PAFAH1B1: variants seen among roughly 807,000 people sequenced by gnomAD.
The protein encoded by PAFAH1B1 is platelet-activating factor acetylhydrolase IB subunit beta.
PAFAH1B1 carries 2 observed loss-of-function variants against 57.5 expected under a neutral mutation model. The observed-to-expected ratio is 0.03, with a 90% confidence interval of 0.01 to 0.11. The LOEUF (loss-of-function observed/expected upper bound fraction) is 0.11, where lower values mean the gene tolerates loss of function less well. Ranked by LOEUF, PAFAH1B1 falls within the 10% of genes least tolerant of loss-of-function variation. The pLI, the probability that PAFAH1B1 is intolerant of heterozygous loss-of-function variation, is 1.00. For missense variants in PAFAH1B1, 257 were observed against 512.0 expected (o/e 0.50, Z 4.81); for synonymous variants, 152 against 169.6 (o/e 0.90, Z 0.81).
intron 1 of PAFAH1B1, among the ~76,000 whole-genome samples, chr17:2,632,198 G>A (rs977838785): frequency 1.3e-5 from 2 of 152,140 alleles, no homozygotes; most frequent in African/African-American, 4.8e-5. Flanking sequence ...CGAAGTCTTG[G>A]GATTTCAGGC....
chr17:2,620,644 A>G (rs985832036), intron 1 of PAFAH1B1, among the ~76,000 whole-genome samples: 1 of 152,130 alleles, frequency 6.6e-6, no homozygotes, highest in African/African-American at 2.4e-5. Flanking sequence ...TCGGTAGATC[A>G]CAAGGTCAAG....
At chr17:2,660,386 G>GCT (rs895640196) in intron 2 of PAFAH1B1, among the ~76,000 whole-genome samples, 1 of 152,070 alleles carries the variant, frequency 6.6e-6, no homozygotes, top group Non-Finnish European at 1.5e-5. Context: ...TTGTCCTGAT[G>GCT]CTCTCCCTCC....
At chr17:2,656,749 C>A (rs1478456524) in intron 2 of PAFAH1B1, among the ~76,000 whole-genome samples, 2 of 152,058 alleles carry the variant, frequency 1.3e-5, no homozygotes. Context: ...CAGTGGTCTT[C>A]CTTTGTTTAG....
intron 2 of PAFAH1B1, among the ~76,000 whole-genome samples, chr17:2,649,578 TAAATAAA>T (rs1428917536): frequency 6.6e-6 from 1 of 152,050 alleles, no homozygotes; most frequent in African/African-American, 2.4e-5. Context: ...CGTCTCAAAA[TAAATAAA>T]TAATAAACTG....
At chr17:2,674,425 TA>T in intron 8 of PAFAH1B1, 137 bp downstream of exon 8, 2 of 707,954 alleles carry the variant, frequency 2.8e-6, no homozygotes, top group Non-Finnish European at 5.2e-6. Flanking sequence ...TGAAATTCTC[TA>T]CTCTTCACAG....
intron 9 of PAFAH1B1, among the ~76,000 whole-genome samples, chr17:2,676,896 C>T (rs1370978119): frequency 6.6e-6 from 1 of 152,084 alleles, no homozygotes; most frequent in Non-Finnish European, 1.5e-5. Context: ...GGCGCGGTGG[C>T]TTACGCCTGT....
At chr17:2,646,944 G>A (rs2068776890) in intron 2 of PAFAH1B1, among the ~76,000 whole-genome samples, 1 of 152,096 alleles carries the variant, frequency 6.6e-6, no homozygotes, top group African/African-American at 2.4e-5. Flanking sequence ...TAGAAACACT[G>A]GGTGAGGCCA....
At chr17:2,639,772 T>C (rs1216720599) in intron 2 of PAFAH1B1, 11 of 152,072 alleles carry the variant, frequency 7.2e-5, no homozygotes, top group Admixed American at 7.2e-4. Flanking sequence ...AATTTTTGTA[T>C]TTTTAGTAGA....
chr17:2,633,155 TTTTTCTTTTTCTTTC>T (rs1186234056), intron 1 of PAFAH1B1, among the ~76,000 whole-genome samples: 11 of 151,700 alleles, frequency 7.3e-5, no homozygotes, highest in African/African-American at 2.4e-4. Context: ...TATTTTTTTC[TTTTTCTTTTTCTTTC>T]TTTTCTTTTT....
At chr17:2,648,821 T>A (rs2068809449) in intron 2 of PAFAH1B1, among the ~76,000 whole-genome samples, 1 of 151,978 alleles carries the variant, frequency 6.6e-6, no homozygotes, top group Non-Finnish European at 1.5e-5. Context: ...TATGGCTACC[T>A]ACCAGAAATT....
Position 2,658,485 on chromosome 17 carries a change from A to G in PAFAH1B1, c.33-6887A>G, listed in dbSNP as rs575276120. 5.3e-5 allele frequency among the ~76,000 whole-genome samples: 8 copies of G among 152,334 alleles called. 1 individual carries two copies. The South Asian group carries it at 1.4e-3, about 28-fold the overall frequency. ...TTTGGTTTTGCTTTTTAAAAAGTGC[A>G]GTGTGATATACTTAACTGGTAGATC... On this transcript the variant is annotated intron_variant, in intron 2 of 10. Transcript: ENST00000397195.
At chr17:2,666,645 G>T (rs1206275352) in intron 4 of PAFAH1B1, among the ~76,000 whole-genome samples, 1 of 152,084 alleles carries the variant, frequency 6.6e-6, no homozygotes, top group African/African-American at 2.4e-5. Context: ...GGTTTGGAAA[G>T]AACTTACTAA....
rs541078656 is a variant in PAFAH1B1 at position 2,674,406 on chromosome 17, T to C, written c.900+118T>C. The C allele has an allele frequency of 4.6e-5, 35 of 754,266 alleles. No homozygotes were observed. In the South Asian group the frequency reaches 5.2e-4, roughly 11 times the overall value. 46.7% of individuals were successfully genotyped at this position (754,266 alleles called of 1,614,324 possible). A position where few individuals can be genotyped will look rare whatever the true frequency, so the allele number is the denominator to read the frequency against. Reference sequence around the variant, plus strand: ...CATTTAAAAATCTGCATCCAGCAATTCTGAATCTTGAAATTCTCTACTCTT... The same window carrying C: ...CATTTAAAAATCTGCATCCAGCAATCCTGAATCTTGAAATTCTCTACTCTT... On this transcript the variant is annotated intron_variant, in intron 8 of 10. Transcript: ENST00000397195.
At chr17:2,654,227 T>C (rs2068906738) in intron 2 of PAFAH1B1, among the ~76,000 whole-genome samples, 1 of 150,146 alleles carries the variant, frequency 6.7e-6, no homozygotes, top group African/African-American at 2.5e-5. Context: ...TTTGCTCTTA[T>C]CGCCTAGGCT....
At chr17:2,631,260 AAAAG>A (rs1004078586) in intron 1 of PAFAH1B1, among the ~76,000 whole-genome samples, 4 of 152,108 alleles carry the variant, frequency 2.6e-5, no homozygotes, top group Middle Eastern at 3.4e-3. Flanking sequence ...AAAAGAAAGA[AAAAG>A]AAAGAAAGGA....
chr17:2,645,482 A>G (rs1011337740), intron 2 of PAFAH1B1, among the ~76,000 whole-genome samples: 4 of 151,506 alleles, frequency 2.6e-5, no homozygotes, highest in African/African-American at 4.8e-5. Flanking sequence ...AATCCCAGCT[A>G]GTCGGGAGGC....
In PAFAH1B1 at chr17:2,643,727, T is replaced by A. The variant is rs571821553; in HGVS notation, c.32+5407T>A. Among the ~76,000 whole-genome samples, 169 of 152,014 alleles carry A rather than the reference T, an allele frequency of 1.1e-3. 1 individual carries two copies. The highest frequency in any genetic ancestry group is 2.1e-3 in the Non-Finnish European group (143 of 67,956). ...GGCAGGCACCACCACACCCCGCTAATTTTTTGTATTTTTAGTAGAGACAGG... is the reference window on the plus strand; with the variant it reads ...GGCAGGCACCACCACACCCCGCTAAATTTTTGTATTTTTAGTAGAGACAGG... On this transcript the variant is annotated intron_variant, in intron 2 of 10. Coordinates refer to ENST00000397195, the MANE Select transcript of PAFAH1B1 (RefSeq NM_000430.4).
chr17:2,656,745 T>A (rs2068941063), intron 2 of PAFAH1B1, among the ~76,000 whole-genome samples: 1 of 152,194 alleles, frequency 6.6e-6, no homozygotes, highest in Non-Finnish European at 1.5e-5. Context: ...TATACAGTGG[T>A]CTTCCTTTGT....
intron 2 of PAFAH1B1, among the ~76,000 whole-genome samples, chr17:2,661,238 T>G (rs537147749): frequency 2.0e-5 from 3 of 152,238 alleles, no homozygotes. Context: ...CAAGAAATCT[T>G]TGCCCATGCC....
Sources: allele counts gnomAD v4.1 joint callset (sites outside exome capture counted in the v4.1 genomes callset), GRCh38; gene constraint gnomAD v4.1.1; transcripts MANE v1.5; gene names NCBI Gene and HGNC (gene_info 2026-07-23, HGNC 2026-07-21).